Variants in NEDD4L observed in about 807,000 individuals in gnomAD.
The protein encoded by NEDD4L is NEDD4 like E3 ubiquitin protein ligase.
Under a neutral mutation model 148.9 loss-of-function variants are expected in NEDD4L, and 54 were observed. The observed-to-expected ratio is 0.36, with a 90% CI of 0.29 to 0.45. The LOEUF is 0.45. Among genes scored for constraint, NEDD4L ranks in the 20% least tolerant of loss-of-function variants. The probability of loss-of-function intolerance (pLI) is 1.00; values close to 1 mark genes in which losing one functional copy is unlikely to be tolerated. For missense variants in NEDD4L, 856 were observed against 1,233.8 expected (o/e 0.69, Z 4.59); for synonymous variants, 433 against 440.7 (o/e 0.98, Z 0.22).
At chr18:58,289,523 C>G (rs2054404712) in intron 5 of NEDD4L, among the ~76,000 whole-genome samples, 1 of 152,170 alleles carries the variant, frequency 6.6e-6, no homozygotes, top group Non-Finnish European at 1.5e-5. Flanking sequence ...AGGTTATAAA[C>G]ATAAGTGTGT....
chr18:58,293,247 A>G (rs1462366394), intron 5 of NEDD4L, among the ~76,000 whole-genome samples: 1 of 152,206 alleles, frequency 6.6e-6, no homozygotes, highest in Non-Finnish European at 1.5e-5. Flanking sequence ...GGATAATTGT[A>G]TCCATGGACT....
chr18:58,072,246 T>A (rs1442256549), intron 1 of NEDD4L, among the ~76,000 whole-genome samples: 1 of 152,156 alleles, frequency 6.6e-6, no homozygotes, highest in Non-Finnish European at 1.5e-5. Context: ...ATTAACCTGA[T>A]ACCAAACTAA....
At chr18:58,231,338 CAG>C (rs1454063222) in intron 2 of NEDD4L, among the ~76,000 whole-genome samples, 2 of 150,794 alleles carry the variant, frequency 1.3e-5, no homozygotes, top group African/African-American at 4.9e-5. Flanking sequence ...TGTAGGAATT[CAG>C]AGAGTGGAGA....
rs568737046 is a variant in NEDD4L at position 58,233,373 on chromosome 18, G to A, written c.123-12054G>A. Among the ~76,000 whole-genome samples the A allele has an allele frequency of 4.6e-5, 7 of 152,290 alleles. No individual in the cohort carries two copies. In the East Asian group the frequency reaches 1.3e-3, roughly 29 times the overall value. On this transcript the variant is annotated intron_variant, in intron 2 of 30. Coordinates refer to ENST00000400345, the MANE Select transcript of NEDD4L (RefSeq NM_001144967.3). ...TGGCCGGGGAGGCCTCACAATCATGGTAGAAGGCAAAAGGCACATCTTACA... is the reference window on the plus strand; with the variant it reads ...TGGCCGGGGAGGCCTCACAATCATGATAGAAGGCAAAAGGCACATCTTACA...
intron 2 of NEDD4L, among the ~76,000 whole-genome samples, chr18:58,167,012 TGTTAA>T (rs2036933309): frequency 6.6e-6 from 1 of 152,244 alleles, no homozygotes; most frequent in Non-Finnish European, 1.5e-5. Context: ...TTAAAGCAAT[TGTTAA>T]GTTACTAAAA....
intron 30 of NEDD4L, among the ~76,000 whole-genome samples, chr18:58,392,516 C>T (rs1445839858): frequency 3.3e-5 from 5 of 151,916 alleles, no homozygotes; most frequent in Non-Finnish European, 5.9e-5. Context: ...TGTCGGATTC[C>T]CTTGCCTCAC....
intron 13 of NEDD4L, among the ~76,000 whole-genome samples, chr18:58,337,619 G>A (rs1212069819): frequency 6.6e-6 from 1 of 151,674 alleles, no homozygotes; most frequent in Non-Finnish European, 1.5e-5. Context: ...TTAGCAACTT[G>A]GTTTTTTTTT....
chr18:58,090,372 G>A (rs2084007058), intron 1 of NEDD4L, among the ~76,000 whole-genome samples: 1 of 152,172 alleles, frequency 6.6e-6, no homozygotes, highest in African/African-American at 2.4e-5. Flanking sequence ...AGTGCAGCTG[G>A]TAGAACCTCC....
rs1020866073 is a variant in NEDD4L, at chr18:58,349,546, C to T, written c.1585C>T (p.Arg529Cys). The T allele has an allele frequency of 1.2e-6, 2 of 1,613,688 alleles. No homozygotes were observed. Among genetic ancestry groups the T allele is most frequent in the Non-Finnish European group, 1.7e-6 (2 of 1,179,594 alleles). The part of the protein sequence containing the change: ...NTKTTTWEDP[R>C]LKFPVHMRSK... ...TACATTTTTCTTGCAGGAAGATCCA[C>T]GTTTGAAATTTCCAGTACATATGCG... Residue 529 changes from arginine (R) to cysteine (C), a missense_variant, in exon 17 of 31, where the codon CGT (arginine) becomes TGT (cysteine). Physicochemically the swap from Arg to Cys is radical, Grantham distance 180. Transcript: ENST00000400345.
intron 1 of NEDD4L, among the ~76,000 whole-genome samples, chr18:58,052,122 T>A (rs2081901325): frequency 6.6e-6 from 1 of 152,216 alleles, no homozygotes; most frequent in Non-Finnish European, 1.5e-5. Flanking sequence ...GTAGAGACTT[T>A]CTAAATAGTC....
At chr18:58,169,374 ATC>A (rs1420851924) in intron 2 of NEDD4L, among the ~76,000 whole-genome samples, 1 of 152,166 alleles carries the variant, frequency 6.6e-6, no homozygotes, top group East Asian at 1.9e-4. Flanking sequence ...CAGTCATATA[ATC>A]TGTCATCTAA....
chr18:58,371,817 A>T (rs2046914322), intron 23 of NEDD4L: 1 of 152,220 alleles, frequency 6.6e-6, no homozygotes, highest in African/African-American at 2.4e-5. Flanking sequence ...TCACTGTATG[A>T]TGAAGCAGCT....
intron 5 of NEDD4L, among the ~76,000 whole-genome samples, chr18:58,289,054 C>A (rs1469676539): frequency 2.0e-5 from 3 of 152,190 alleles, no homozygotes; most frequent in Non-Finnish European, 1.5e-5. Context: ...CAAAGTCAAT[C>A]TGCATATTAC....
intron 5 of NEDD4L, among the ~76,000 whole-genome samples, chr18:58,283,356 G>A (rs542357151): frequency 2.0e-5 from 3 of 152,286 alleles, no homozygotes; most frequent in African/African-American, 7.2e-5. Flanking sequence ...GATTACAGGC[G>A]TGAGCCACCA....
rs1269815555 is a variant in NEDD4L, at chr18:58,133,993, A to ATTTTTAT, written c.49-31783_49-31777dup. 2.0e-4 allele frequency among the ~76,000 whole-genome samples: 31 copies of ATTTTTAT among 152,024 alleles called. No homozygotes were observed. The East Asian group carries it at 5.4e-3, about 27-fold the overall frequency. ...AAAGGAAGTGAGCTTAATATTCTTT[A>ATTTTTAT]TTTTTATTTTTTATTTTTATTTTTT... is the stretch of plus-strand genomic sequence containing the variant. On this transcript the variant is annotated intron_variant, in intron 1 of 30. Coordinates refer to ENST00000400345, the MANE Select transcript of NEDD4L (RefSeq NM_001144967.3).
chr18:58,371,454 A>G (rs2046868507), intron 23 of NEDD4L: 1 of 152,074 alleles, frequency 6.6e-6, no homozygotes, highest in Non-Finnish European at 1.5e-5. Flanking sequence ...TCCAGAGTGT[A>G]TGGGTGTTTG....
In NEDD4L at chr18:58,388,798, G is replaced by A. The variant is rs145508339; in HGVS notation, c.2548-287G>A. On this transcript the variant is annotated intron_variant, in intron 27 of 30. Coordinates refer to ENST00000400345, the MANE Select transcript of NEDD4L (RefSeq NM_001144967.3). ...GTGAGAGAATCCACAGGTCCCATGC[G>A]TAAGACTAGAGGGGTAGGGAGGACG... 1.5e-3 allele frequency: 608 copies of A among 398,894 alleles called. 1 individual carries two copies. The highest frequency in any genetic ancestry group is 2.3e-3 in the Non-Finnish European group (483 of 212,614). 24.7% of individuals were successfully genotyped at this position (398,894 alleles called of 1,614,324 possible).
At chr18:58,216,025 C>T (rs1292066534) in intron 2 of NEDD4L, among the ~76,000 whole-genome samples, 4 of 151,634 alleles carry the variant, frequency 2.6e-5, no homozygotes, top group Non-Finnish European at 4.4e-5. Context: ...TGATACCTCC[C>T]TGGAAATGGG....
chr18:58,138,334 C>T (rs1234278455), intron 1 of NEDD4L, among the ~76,000 whole-genome samples: 1 of 146,052 alleles, frequency 6.8e-6, no homozygotes, highest in Admixed American at 6.7e-5. Context: ...TTCTTCCCTC[C>T]CCTCCTCCTC....
Sources: gnomAD v4.1 joint callset for allele counts (sites outside exome capture counted in the v4.1 genomes callset) on GRCh38, gnomAD v4.1.1 for gene constraint, MANE v1.5 for transcripts, NCBI Gene and HGNC (gene_info 2026-07-23, HGNC 2026-07-21) for gene names.